SLC17A4: variants seen among roughly 807,000 people sequenced by gnomAD.
SLC17A4 encodes the protein solute carrier family 17 member 4.
A neutral mutation model predicts 52.5 loss-of-function variants in SLC17A4; 33 were observed. The ratio of observed to expected loss-of-function variants is 0.63; its 90% CI spans 0.48 to 0.84. The LOEUF is 0.84. SLC17A4 is among the 40% of genes least tolerant of loss of function. The pLI is 0.00. For missense variants in SLC17A4, 585 were observed against 597.1 expected (o/e 0.98, Z 0.21); for synonymous variants, 225 against 216.2 (o/e 1.04, Z -0.36).
chr6:25,775,209 G>T (rs901537008), intron 8 of SLC17A4, among the ~76,000 whole-genome samples: 1 of 151,902 alleles, frequency 6.6e-6, no homozygotes, highest in Non-Finnish European at 1.5e-5. Flanking sequence ...GCATCTGCCT[G>T]TAGTCCCAGC....
At chr6:25,773,202 A>C (rs1353885646) in intron 6 of SLC17A4, 73 bp from the exon 7 acceptor site, 3 of 1,178,170 alleles carry the variant, frequency 2.5e-6, no homozygotes, top group Non-Finnish European at 3.8e-6. Flanking sequence ...TGTCAACCAC[A>C]GGAATCATCT....
At chr6:25,777,159 G>A (rs143264011) in intron 10 of SLC17A4, 200 bp downstream of exon 10, 161 of 580,144 alleles carry the variant, frequency 2.8e-4, no homozygotes, top group African/African-American at 2.5e-3. Context: ...TTTTCTGGGC[G>A]TGAACAAGAG....
At chr6:25,771,102 A>T (rs1454220256) in intron 6 of SLC17A4, 90 bp downstream of exon 6, 1 of 1,035,142 alleles carries the variant, frequency 9.7e-7, no homozygotes, top group Non-Finnish European at 1.5e-6. Flanking sequence ...ATAGATATGG[A>T]TATTTACATA....
At position 25,780,174 on chromosome 6, in the gene SLC17A4, G is replaced by C. The variant is rs1763229566; in HGVS notation, c.*986G>C. 6.6e-6 allele frequency: 1 copy of C among 152,180 alleles called. No individual in the cohort carries two copies. The highest frequency in any genetic ancestry group is 1.5e-5 in the Non-Finnish European group (1 of 68,040). The allele number at this position is 152,180 out of a possible 1,614,324, so 9.4% of individuals were successfully genotyped here. On this transcript the variant is annotated 3_prime_UTR_variant, in exon 12 of 12. Coordinates refer to ENST00000377905, the MANE Select transcript of SLC17A4 (RefSeq NM_005495.3). ...ATATGGGCAGCATGGAGGATCATAA[G>C]ATAGCAAAACCATTTCAACACTAAA...
chr6:25,779,518 G>A lies in SLC17A4; in HGVS notation c.*330G>A. Reference sequence around the variant, plus strand: ...TGGGACCGAGAACTGAGAATCACAAGGGAGTTGCGCCCAACATGCAGAACA... The same window carrying A: ...TGGGACCGAGAACTGAGAATCACAAAGGAGTTGCGCCCAACATGCAGAACA... On this transcript the variant is annotated 3_prime_UTR_variant, in exon 12 of 12. Transcript: ENST00000377905. 4.5e-6 allele frequency: 1 copy of A among 220,842 alleles called. No individual in the cohort carries two copies. Among genetic ancestry groups the A allele is most frequent in the Non-Finnish European group, 8.8e-6 (1 of 113,058 alleles). 13.7% of individuals were successfully genotyped at this position (220,842 alleles called of 1,614,324 possible). A position where few individuals can be genotyped will look rare whatever the true frequency, so the allele number is the denominator to read the frequency against.
intron 1 of SLC17A4, among the ~76,000 whole-genome samples, chr6:25,760,765 A>G (rs568589873): frequency 5.9e-5 from 9 of 152,202 alleles, no homozygotes; most frequent in African/African-American, 2.2e-4. Flanking sequence ...TTCAAATTTT[A>G]ATGCCTAATT....
At chr6:25,774,321 G>A (rs2151453415) in intron 8 of SLC17A4, among the ~76,000 whole-genome samples, 1 of 152,240 alleles carries the variant, frequency 6.6e-6, no homozygotes, top group South Asian at 2.1e-4. Context: ...TCTTAAAAGT[G>A]GCTATCAGAT....
At chr6:25,760,096 C>T (rs1761404833) in intron 1 of SLC17A4, among the ~76,000 whole-genome samples, 1 of 152,092 alleles carries the variant, frequency 6.6e-6, no homozygotes, top group African/African-American at 2.4e-5. Flanking sequence ...ACATTTTTGC[C>T]TAAGCTTGGT....
intron 2 of SLC17A4, among the ~76,000 whole-genome samples, chr6:25,766,034 ACATAAGTAAATG>A (rs1761980316): frequency 6.6e-6 from 1 of 151,718 alleles, no homozygotes; most frequent in South Asian, 2.1e-4. Flanking sequence ...TAGGGAAAGT[ACATAAGTAAATG>A]ATTTTCTAGG....
chr6:25,757,295 C>T (rs1016724162), intron 1 of SLC17A4, among the ~76,000 whole-genome samples: 1 of 152,070 alleles, frequency 6.6e-6, no homozygotes, highest in Non-Finnish European at 1.5e-5. Context: ...AATAGTCCTT[C>T]ACAGAGAGCA....
At chr6:25,758,929 A>G (rs1288214719) in intron 1 of SLC17A4, among the ~76,000 whole-genome samples, 1 of 152,256 alleles carries the variant, frequency 6.6e-6, no homozygotes, top group East Asian at 1.9e-4. Context: ...TGATGTAGGC[A>G]TTTAATGGTA....
rs1435381845 is a variant in SLC17A4, at chr6:25,758,861, T to C, written c.-36-3066T>C. On this transcript the variant is annotated intron_variant, in intron 1 of 11. Transcript: ENST00000377905. ...GGGTTTGGGTTTGGTTTGTTCTTGT[T>C]TCTCTAGTTCCTTGAGGTGTAAACT... Among the ~76,000 whole-genome samples the C allele has an allele frequency of 2.0e-5, 3 of 152,240 alleles. No individual in the cohort carries two copies. The East Asian group carries it at 5.8e-4, about 29-fold the overall frequency.
intron 1 of SLC17A4, among the ~76,000 whole-genome samples, chr6:25,755,817 A>T (rs961570646): frequency 3.9e-5 from 6 of 152,186 alleles, no homozygotes; most frequent in African/African-American, 1.4e-4. Context: ...TTTCCTCTGG[A>T]ACCTGTTGCC....
Position 25,773,551 on chromosome 6 carries a change from G to A in SLC17A4, c.864G>A (p.Met288Ile), listed in dbSNP as rs199756466. 3 of 1,613,926 alleles carry A rather than the reference G, an allele frequency of 1.9e-6. No homozygotes were observed. The highest frequency in any genetic ancestry group is 3.3e-5 in the Admixed American group (2 of 59,974). The change falls in exon 8 of 12, where the codon ATG (methionine) becomes ATA (isoleucine). Residue 288 changes from methionine to isoleucine, a missense_variant. By Grantham distance (10) the Met-to-Ile change is conservative (BLOSUM62 1). Coordinates refer to ENST00000377905, the MANE Select transcript of SLC17A4 (RefSeq NM_005495.3). ...SPGWSLPIRA[M>I]IKSLPLWAIL... Reference sequence around the variant, plus strand: ...GCTGGTCTCTTCCCATTAGGGCTATGATCAAATCCTTACCACTCTGGGCCA... The same window carrying A: ...GCTGGTCTCTTCCCATTAGGGCTATAATCAAATCCTTACCACTCTGGGCCA...
At chr6:25,771,058 G>A (rs764748504) in intron 6 of SLC17A4, 46 bp downstream of exon 6, 9 of 1,464,230 alleles carry the variant, frequency 6.1e-6, no homozygotes, top group Non-Finnish European at 8.6e-6. Context: ...AGAGACTTCT[G>A]TGATGCAATT....
Position 25,776,812 on chromosome 6 carries a change from G to C in SLC17A4, c.1121G>C (p.Gly374Ala), listed in dbSNP as rs779180126. The change falls in exon 10 of 12, where the codon GGG (glycine) becomes GCG (alanine). Residue 374 changes from glycine (G) to alanine (A), a missense_variant and splice_region_variant. Transcript: ENST00000377905. ...CTCTGTGTTTGTCCTCCTACCCCAGGGGTTCTCTTCCCATCCGTGATCCTC... is the reference window on the plus strand; with the variant it reads ...CTCTGTGTTTGTCCTCCTACCCCAGCGGTTCTCTTCCCATCCGTGATCCTC... ...ITIRKLFTAI[G>A]VLFPSVILVS... The C allele has an allele frequency of 6.9e-5, 111 of 1,613,772 alleles. No individual in the cohort carries two copies. Among genetic ancestry groups the C allele is most frequent in the Non-Finnish European group, 8.7e-5 (103 of 1,179,890 alleles).
At chr6:25,777,219 C>G in intron 10 of SLC17A4, 1 of 431,526 alleles carries the variant, frequency 2.3e-6, no homozygotes, top group Non-Finnish European at 4.1e-6. Context: ...ACACAAACCT[C>G]TCTCTGTTGA....
intron 2 of SLC17A4, among the ~76,000 whole-genome samples, chr6:25,765,209 T>C (rs1761906499): frequency 6.6e-6 from 1 of 152,200 alleles, no homozygotes; most frequent in Non-Finnish European, 1.5e-5. Flanking sequence ...AAAAAAGAAA[T>C]TGACAGGTAC....
Position 25,773,659 on chromosome 6 carries a change from A to G in SLC17A4, c.972A>G (p.Gln324=), listed in dbSNP as rs1381390595. ...YTPTYISSVL[Q]ANLRDSGILS... ...CAACGTACATCAGCTCGGTACTTCA[A>G]GCCAACCTCAGAGATGTAAGTACAG... Residue 324 remains glutamine (Q), a synonymous_variant, in exon 8 of 12, where the codon CAA becomes CAG. Transcript: ENST00000377905. 2.5e-6 allele frequency: 4 copies of G among 1,613,396 alleles called. No homozygotes were observed. Among genetic ancestry groups the G allele is most frequent in the Non-Finnish European group, 2.5e-6 (3 of 1,179,674 alleles).
Sources: gnomAD v4.1 joint callset for allele counts (sites outside exome capture counted in the v4.1 genomes callset) on GRCh38, gnomAD v4.1.1 for gene constraint, MANE v1.5 for transcripts, NCBI Gene and HGNC (gene_info 2026-07-23, HGNC 2026-07-21) for gene names.